Variants in CDH23 observed in about 807,000 individuals in gnomAD.
CDH23 encodes cadherin-23.
CDH23 carries 189 observed loss-of-function variants against 317.1 expected under a neutral mutation model. The ratio of observed to expected loss-of-function variants is 0.60; its 90% confidence interval spans 0.53 to 0.67. CDH23 has a LOEUF of 0.67. Among genes scored for constraint, CDH23 ranks in the 30% least tolerant of loss-of-function variants. CDH23 has a pLI of 0.00. For synonymous variants in CDH23, 1,839 were observed against 1,876.8 expected (o/e 0.98, Z 0.52); for missense variants, 4,401 against 4,592.4 (o/e 0.96, Z 1.20).
chr10:71,573,695 G>C (rs1485413173), intron 8 of CDH23, among the ~76,000 whole-genome samples: 1 of 152,262 alleles, frequency 6.6e-6, no homozygotes, highest in African/African-American at 2.4e-5. Context: ...TGCCCAGGGA[G>C]CTGCTAGACC....
At chr10:71,534,519 C>T (rs973138533) in intron 6 of CDH23, among the ~76,000 whole-genome samples, 1 of 152,214 alleles carries the variant, frequency 6.6e-6, no homozygotes, top group African/African-American at 2.4e-5. Flanking sequence ...CTGACCCCTA[C>T]ACTTTCTTGA....
chr10:71,695,574 T>C, intron 22 of CDH23, 49 bp downstream of exon 22: 1 of 1,304,130 alleles, frequency 7.7e-7, no homozygotes, highest in Non-Finnish European at 1.1e-6. Flanking sequence ...TTCCCAGGGG[T>C]CTGTGCCCCT....
intron 30 of CDH23, among the ~76,000 whole-genome samples, chr10:71,726,433 C>T (rs1035379705): frequency 1.3e-5 from 2 of 152,202 alleles, no homozygotes; most frequent in Admixed American, 1.3e-4. Flanking sequence ...GGTCTGATTG[C>T]TCAGGGGCTG....
At position 71,715,702 on chromosome 10, in the gene CDH23, CAGA is replaced by C. The variant is rs1160876305; in HGVS notation, c.3369+2892_3369+2894del. ...TGACCACGAGTGCACATCTCTTGACCAGAAGTCTTTCATCAAGCAGCAGCGAGG... is the reference window on the plus strand; with the variant it reads ...TGACCACGAGTGCACATCTCTTGACCAGTCTTTCATCAAGCAGCAGCGAGG... On this transcript the variant is annotated intron_variant, in intron 28 of 69. Transcript: ENST00000224721. The C allele has an allele frequency of 1.5e-5, 6 of 403,300 alleles. No homozygotes were observed. The East Asian group carries it at 2.0e-4, about 13-fold the overall frequency. 25.0% of individuals were successfully genotyped at this position (403,300 alleles called of 1,614,324 possible). A position where few individuals can be genotyped will look rare whatever the true frequency, so the allele number is the denominator to read the frequency against.
At chr10:71,642,144 A>AGAACTC (rs1361419078) in intron 11 of CDH23, among the ~76,000 whole-genome samples, 1 of 151,992 alleles carries the variant, frequency 6.6e-6, no homozygotes, top group Admixed American at 6.6e-5. Flanking sequence ...ACACCAGCTC[A>AGAACTC]GAACTCCCCT....
intron 53 of CDH23, among the ~76,000 whole-genome samples, chr10:71,802,095 G>A (rs573526136): frequency 1.3e-5 from 2 of 152,282 alleles, no homozygotes; most frequent in African/African-American, 4.8e-5. Flanking sequence ...ATCACCTGAG[G>A]TTAGGAGTTC....
intron 6 of CDH23, among the ~76,000 whole-genome samples, chr10:71,517,483 G>A (rs1271082175): frequency 6.6e-6 from 1 of 152,220 alleles, no homozygotes; most frequent in African/African-American, 2.4e-5. Context: ...CAGTGCCCCA[G>A]CTACCTTCCC....
chr10:71,751,826 G>T lies in CDH23; in HGVS notation c.4845+9905G>T, dbSNP rs1840011248. The stretch of plus-strand genomic sequence containing the variant: ...GGGTATCCCCTGGGCAGGTGGTGAG[G>T]CTTCAAAGCCGGGGTTTTCAATCCC... On this transcript the variant is annotated intron_variant, in intron 38 of 69. Transcript: ENST00000224721. The surrounding 1 kb of genome is among the most constrained non-coding windows in gnomAD (Gnocchi z 4.9). The T allele has an allele frequency of 2.5e-6, 4 of 1,570,072 alleles. No individual in the cohort carries two copies. Among genetic ancestry groups the T allele is most frequent in the Non-Finnish European group, 3.5e-6 (4 of 1,158,934 alleles).
At chr10:71,601,497 G>T (rs1860214554) in intron 9 of CDH23, among the ~76,000 whole-genome samples, 1 of 152,210 alleles carries the variant, frequency 6.6e-6, no homozygotes, top group Admixed American at 6.5e-5. Context: ...CAGCTAGTGA[G>T]AAGTAATGCT....
At chr10:71,524,316 G>A (rs1256711973) in intron 6 of CDH23, among the ~76,000 whole-genome samples, 1 of 152,226 alleles carries the variant, frequency 6.6e-6, no homozygotes, top group East Asian at 1.9e-4. Flanking sequence ...GCTTCCTCCC[G>A]CTCCTCTGTA....
intron 11 of CDH23, among the ~76,000 whole-genome samples, chr10:71,630,898 G>A (rs1162945050): frequency 6.6e-6 from 1 of 152,164 alleles, no homozygotes; most frequent in Non-Finnish European, 1.5e-5. Context: ...ACCACCATGT[G>A]GATCCAGGCT....
intron 6 of CDH23, among the ~76,000 whole-genome samples, chr10:71,515,055 C>A (rs554974029): frequency 6.6e-6 from 1 of 152,172 alleles, no homozygotes; most frequent in African/African-American, 2.4e-5. Context: ...CCAGTGTGCC[C>A]CAGGGAGGTG....
At chr10:71,480,750 G>A (rs148069277) in intron 3 of CDH23, among the ~76,000 whole-genome samples, 2 of 152,320 alleles carry the variant, frequency 1.3e-5, no homozygotes, top group Non-Finnish European at 2.9e-5. Flanking sequence ...CAGGATGAGT[G>A]TAGGGAGACT....
chr10:71,461,307 A>C (rs1850971654), intron 3 of CDH23, among the ~76,000 whole-genome samples: 1 of 152,226 alleles, frequency 6.6e-6, no homozygotes, highest in Admixed American at 6.5e-5. Context: ...TCTCCCTCGG[A>C]GTCCCCTGGG....
rs761141068 is a variant in CDH23 at position 71,577,892 on chromosome 10, G to T, written c.754-22G>T. The stretch of plus-strand genomic sequence containing the variant: ...CAGCAGCCAGGGGACCCAAACTCAA[G>T]TCCCTCCTCTCTTCTGCCCAGGGCA... On this transcript the variant is annotated intron_variant, in intron 8 of 69. Transcript: ENST00000224721. The T allele has an allele frequency of 2.9e-5, 46 of 1,574,958 alleles. 1 individual carries two copies. In the Middle Eastern group the frequency reaches 3.0e-3, roughly 102 times the overall value.
chr10:71,785,205 C>T (rs1268488498), intron 43 of CDH23, 105 bp downstream of exon 43: 1 of 888,284 alleles, frequency 1.1e-6, no homozygotes, highest in Non-Finnish European at 1.7e-6. Flanking sequence ...CCACCGGGCT[C>T]CCGTTCCTGC....
intron 6 of CDH23, among the ~76,000 whole-genome samples, chr10:71,520,076 G>A (rs1854579984): frequency 6.6e-6 from 1 of 152,168 alleles, no homozygotes; most frequent in Non-Finnish European, 1.5e-5. Context: ...CTAAAGTGCT[G>A]GGATCACAGG....
rs1158593304 is a variant in CDH23 at position 71,792,820 on chromosome 10, TAAAAAAAAAAAAA to T, written c.6254-341_6254-329del. 7.1e-4 allele frequency among the ~76,000 whole-genome samples: 34 copies of T among 47,894 alleles called. 1 individual carries two copies. Among genetic ancestry groups the T allele is most frequent in the African/African-American group, 1.9e-3 (23 of 12,018 alleles). 31.4% of individuals were successfully genotyped at this position (47,894 alleles called of 152,430 possible). ...CTAGGTGACAGTGTAAGACTCCATC[TAAAAAAAAAAAAA>T]AAAAAAAAAAAAAAAAAAAATATAT... On this transcript the variant is annotated intron_variant, in intron 47 of 69. Transcript: ENST00000224721.
At chr10:71,520,187 GA>G (rs1309782595) in intron 6 of CDH23, among the ~76,000 whole-genome samples, 1 of 152,232 alleles carries the variant, frequency 6.6e-6, no homozygotes, top group Non-Finnish European at 1.5e-5. Flanking sequence ...TCGACAGATG[GA>G]CTCATCCCCG....
Sources: allele counts gnomAD v4.1 joint callset (sites outside exome capture counted in the v4.1 genomes callset), GRCh38; gene constraint gnomAD v4.1.1; non-coding constraint Gnocchi (gnomAD v3.1); transcripts MANE v1.5; gene names NCBI Gene and HGNC (gene_info 2026-07-23, HGNC 2026-07-21).